The following KAZN variants were observed in gnomAD, a reference collection of about 807,000 sequenced individuals.
The protein encoded by KAZN is kazrin.
KAZN carries 40 observed loss-of-function variants against 87.4 expected under a neutral mutation model. The ratio of observed to expected loss-of-function variants is 0.46; its 90% CI spans 0.36 to 0.60. The LOEUF (loss-of-function observed/expected upper bound fraction) is 0.60. Ranked by LOEUF, KAZN falls within the 20% of genes least tolerant of loss-of-function variation. KAZN has a pLI of 0.00. For synonymous variants in KAZN, 466 were observed against 458.3 expected, an observed-to-expected ratio of 1.02 and a Z score of -0.22; for missense variants, 898 against 1,073.9, an observed-to-expected ratio of 0.84 and a Z score of 2.29.
At chr1:15,038,276 A>G (rs995969905) in intron 3 of KAZN, among the ~76,000 whole-genome samples, 3 of 152,076 alleles carry the variant, frequency 2.0e-5, no homozygotes, top group Admixed American at 6.5e-5. Context: ...GAAAGAAAAA[A>G]AAAAGCAAGA....
chr1:14,382,393 G>C (rs922254987), intron 2 of KAZN, among the ~76,000 whole-genome samples: 26 of 150,502 alleles, frequency 1.7e-4, no homozygotes, highest in African/African-American at 6.1e-4. Flanking sequence ...ATGTATACAT[G>C]TACCATGCTG....
intron 1 of KAZN, among the ~76,000 whole-genome samples, chr1:14,035,904 T>C (rs1290581394): frequency 1.3e-5 from 2 of 152,220 alleles, no homozygotes; most frequent in Non-Finnish European, 2.9e-5. Flanking sequence ...GTCTTCAATA[T>C]ATTTATTGTG....
At chr1:13,925,251 C>T (rs545516627) in intron 1 of KAZN, among the ~76,000 whole-genome samples, 1 of 152,336 alleles carries the variant, frequency 6.6e-6, no homozygotes, top group Non-Finnish European at 1.5e-5. Context: ...ATCCGTGTTC[C>T]TGCATGTATC....
intron 1 of KAZN, among the ~76,000 whole-genome samples, chr1:13,963,824 G>A (rs1296883947): frequency 6.7e-6 from 1 of 150,336 alleles, no homozygotes; most frequent in African/African-American, 2.4e-5. Context: ...GGATGACAGG[G>A]CAGTATACTG....
chr1:13,933,130 C>A (rs1640591255), intron 1 of KAZN, among the ~76,000 whole-genome samples: 1 of 152,124 alleles, frequency 6.6e-6, no homozygotes, highest in Admixed American at 6.6e-5. Flanking sequence ...CACTAGTTTT[C>A]CCATTAATGT....
chr1:14,755,475 G>A (rs1486367690), intron 1 of KAZN, among the ~76,000 whole-genome samples: 1 of 152,162 alleles, frequency 6.6e-6, no homozygotes, highest in Non-Finnish European at 1.5e-5. Flanking sequence ...TCGTGTGGTT[G>A]TAGATTTTTT....
At chr1:14,070,167 C>CAAAAAAAAAAAAAAAAAAAA (rs61327562) in intron 1 of KAZN, among the ~76,000 whole-genome samples, 16 of 72,816 alleles carry the variant, frequency 2.2e-4, no homozygotes, top group Non-Finnish European at 2.8e-4. Flanking sequence ...GACTCCATCT[C>CAAAAAAAAAAAAAAAAAAAA]AAAAAAAAAA....
In KAZN at chr1:14,019,703, C is replaced by A. The variant is rs145857949; in HGVS notation, c.91+125947C>A. ...GGTTTCTAGGTCAACTCTTTCCCTG[C>A]AGCCATGAGATCCTTTCTGCAGCTT... is the stretch of plus-strand genomic sequence containing the variant. On this transcript the variant is annotated intron_variant, in intron 1 of 16. Coordinates refer to the KAZN transcript ENST00000636203. Among the ~76,000 whole-genome samples the A allele has an allele frequency of 5.9e-5, 9 of 152,296 alleles. No homozygotes were observed. The East Asian group carries it at 1.2e-3, about 20-fold the overall frequency.
At chr1:14,188,650 G>A (rs1646362766) in intron 2 of KAZN, among the ~76,000 whole-genome samples, 1 of 152,168 alleles carries the variant, frequency 6.6e-6, no homozygotes, top group Non-Finnish European at 1.5e-5. Flanking sequence ...TACCGGAAGA[G>A]CAGCCTCATA....
At chr1:14,377,793 G>A (rs571181540) in intron 2 of KAZN, among the ~76,000 whole-genome samples, 144 of 152,188 alleles carry the variant, frequency 9.5e-4, no homozygotes, top group Non-Finnish European at 1.9e-3. Context: ...TCTCAACTTC[G>A]GCACTATTCA....
At chr1:14,075,549 A>T (rs904480989) in intron 1 of KAZN, among the ~76,000 whole-genome samples, 1 of 152,228 alleles carries the variant, frequency 6.6e-6, no homozygotes, top group Non-Finnish European at 1.5e-5. Context: ...GGGGCAGAAG[A>T]CATTTTGTTA....
At chr1:14,033,543 GC>G (rs1454392583) in intron 1 of KAZN, among the ~76,000 whole-genome samples, 27 of 152,326 alleles carry the variant, frequency 1.8e-4, no homozygotes, top group African/African-American at 4.8e-4. Flanking sequence ...GCAAGCACAG[GC>G]TTTTGCAAAA....
chr1:14,819,200 C>T (rs1243450969), intron 1 of KAZN, among the ~76,000 whole-genome samples: 1 of 152,152 alleles, frequency 6.6e-6, no homozygotes, highest in African/African-American at 2.4e-5. Flanking sequence ...TAGAAGGACT[C>T]GTTCAATTTA....
At chr1:14,200,082 G>A (rs1229872055) in intron 2 of KAZN, among the ~76,000 whole-genome samples, 1 of 151,996 alleles carries the variant, frequency 6.6e-6, no homozygotes, top group Non-Finnish European at 1.5e-5. Context: ...CATATCCTAT[G>A]TAGTCTTGTT....
intron 1 of KAZN, among the ~76,000 whole-genome samples, chr1:14,607,945 C>T (rs1021492333): frequency 6.6e-6 from 1 of 152,198 alleles, no homozygotes; most frequent in Non-Finnish European, 1.5e-5. Context: ...CCTCAATTTA[C>T]CTTCATATTA....
At chr1:14,370,223 C>T (rs1181588335) in intron 2 of KAZN, among the ~76,000 whole-genome samples, 1 of 152,194 alleles carries the variant, frequency 6.6e-6, no homozygotes, top group Admixed American at 6.5e-5. Context: ...GGAGATGGGC[C>T]ATCCTGGCTA....
intron 2 of KAZN, among the ~76,000 whole-genome samples, chr1:14,534,485 A>C (rs1672374773): frequency 1.3e-5 from 2 of 152,026 alleles, no homozygotes; most frequent in African/African-American, 2.4e-5. Context: ...TCTCTACTAA[A>C]AATGCAAAAA....
At chr1:14,885,118 T>C (rs918497321) in intron 1 of KAZN, among the ~76,000 whole-genome samples, 1 of 152,074 alleles carries the variant, frequency 6.6e-6, no homozygotes, top group African/African-American at 2.4e-5. Flanking sequence ...TAACAAGAAA[T>C]CAAGAATCAA....
chr1:14,076,962 C>T lies in KAZN; in HGVS notation c.92-103473C>T, dbSNP rs188176617. On this transcript the variant is annotated intron_variant, in intron 1 of 16. Coordinates refer to the KAZN transcript ENST00000636203. ...GGACTGTCGCTTGCCCTGGGATGCA[C>T]GGCTGGCCAAGTGGTGTGATTGATT... Among the ~76,000 whole-genome samples, 197 of 152,212 alleles carry T rather than the reference C, an allele frequency of 1.3e-3. 1 individual carries two copies. In the Middle Eastern group the frequency reaches 0.02, roughly 16 times the overall value.
Sources: allele counts gnomAD v4.1 joint callset (sites outside exome capture counted in the v4.1 genomes callset), GRCh38; gene constraint gnomAD v4.1.1; transcripts MANE v1.5; gene names NCBI Gene and HGNC (gene_info 2026-07-23, HGNC 2026-07-21).